The following PDZD2 variants were observed in gnomAD, a reference collection of about 807,000 sequenced individuals.
PDZD2 encodes the protein PDZ domain-containing protein 2.
PDZD2 carries 90 observed loss-of-function variants against 220.7 expected under a neutral mutation model. The ratio of observed to expected loss-of-function variants is 0.41; its 90% CI spans 0.34 to 0.49. The LOEUF (loss-of-function observed/expected upper bound fraction) is 0.49, where lower values mean the gene tolerates loss of function less well. Ranked by LOEUF, PDZD2 falls within the 20% of genes least tolerant of loss-of-function variation. The pLI, the probability that PDZD2 is intolerant of heterozygous loss-of-function variation, is 0.28. For synonymous variants in PDZD2, 1,375 were observed against 1,450.5 expected, an observed-to-expected ratio of 0.95 and a Z score of 1.18; for missense variants, 3,174 against 3,608.5, an observed-to-expected ratio of 0.88 and a Z score of 3.08.
At chr5:31,808,584 G>A (rs1313732215) in intron 2 of PDZD2, among the ~76,000 whole-genome samples, 3 of 152,192 alleles carry the variant, frequency 2.0e-5, no homozygotes. Context: ...GCTTCAGGAG[G>A]TGGTTTCCTG....
chr5:31,750,169 C>T (rs886270247), intron 1 of PDZD2, among the ~76,000 whole-genome samples: 9 of 152,176 alleles, frequency 5.9e-5, no homozygotes, highest in Admixed American at 2.6e-4. Context: ...CCATCTCTAG[C>T]GCCTGCCATG....
intron 2 of PDZD2, among the ~76,000 whole-genome samples, chr5:31,889,181 A>G (rs1335822441): frequency 6.6e-6 from 1 of 152,214 alleles, no homozygotes; most frequent in East Asian, 1.9e-4. Context: ...TGAAATCTGA[A>G]GTGTCACGCT....
chr5:31,884,203 A>T lies in PDZD2; in HGVS notation c.476+84479A>T, dbSNP rs150004244. On this transcript the variant is annotated intron_variant, in intron 2 of 24. Transcript: ENST00000438447. ...ACTCCAGCTTGGGCAACAGAGCGAG[A>T]CTCCATCTCAAAAATAACTGCATGC... 2.2e-3 allele frequency among the ~76,000 whole-genome samples: 330 copies of T among 148,604 alleles called. 1 individual carries two copies. Among genetic ancestry groups the T allele is most frequent in the African/African-American group, 6.8e-3 (263 of 38,788 alleles).
intron 2 of PDZD2, among the ~76,000 whole-genome samples, chr5:31,961,406 G>C (rs1748218655): frequency 6.6e-6 from 1 of 151,666 alleles, no homozygotes; most frequent in Non-Finnish European, 1.5e-5. Flanking sequence ...ATGATGGTGT[G>C]CACCTGTAGT....
At chr5:31,745,768 T>C (rs1056350894) in intron 1 of PDZD2, among the ~76,000 whole-genome samples, 1 of 152,108 alleles carries the variant, frequency 6.6e-6, no homozygotes, top group Non-Finnish European at 1.5e-5. Context: ...AGTGATCATC[T>C]TGTCATTTTG....
chr5:31,691,915 C>T (rs1580572527), intron 1 of PDZD2, among the ~76,000 whole-genome samples: 1 of 152,266 alleles, frequency 6.6e-6, no homozygotes, highest in Non-Finnish European at 1.5e-5. Flanking sequence ...AGGTTCTCCA[C>T]GTCCCCACCA....
chr5:32,010,765 G>A (rs1753233949), intron 6 of PDZD2: 3 of 433,014 alleles, frequency 6.9e-6, no homozygotes, highest in Non-Finnish European at 1.3e-5. Context: ...GGAGGCTGAG[G>A]CAGGTGGATC....
At chr5:31,682,668 CGGCTGTGTGTGTGTGT>C (rs1314872335) in intron 1 of PDZD2, among the ~76,000 whole-genome samples, 2 of 138,380 alleles carry the variant, frequency 1.4e-5, no homozygotes, top group African/African-American at 5.5e-5. Context: ...CTCAGTCTTT[CGGCTGTGTGTGTGTGT>C]GTGTGTGTGT....
At chr5:31,971,270 G>A (rs1749274467) in intron 2 of PDZD2, among the ~76,000 whole-genome samples, 1 of 152,210 alleles carries the variant, frequency 6.6e-6, no homozygotes, top group African/African-American at 2.4e-5. Flanking sequence ...TTCCAAGATA[G>A]CACCTTGTTG....
chr5:31,909,778 C>G (rs1248043258), intron 2 of PDZD2, among the ~76,000 whole-genome samples: 1 of 152,074 alleles, frequency 6.6e-6, no homozygotes, highest in African/African-American at 2.4e-5. Context: ...GTTTATGAAG[C>G]AAATTTATTC....
chr5:31,883,826 T>G (rs1740169923), intron 2 of PDZD2, among the ~76,000 whole-genome samples: 1 of 152,154 alleles, frequency 6.6e-6, no homozygotes, highest in African/African-American at 2.4e-5. Context: ...GGTCTGGAAC[T>G]CCTGGCTTCA....
intron 1 of PDZD2, among the ~76,000 whole-genome samples, chr5:31,645,360 G>A (rs1394045005): frequency 4.7e-5 from 7 of 148,328 alleles, no homozygotes; most frequent in South Asian, 2.1e-4. Flanking sequence ...TTTTTGAGAC[G>A]GAGTCTTGCT....
intron 1 of PDZD2, among the ~76,000 whole-genome samples, chr5:31,689,777 G>A (rs1747045703): frequency 1.3e-5 from 2 of 152,044 alleles, no homozygotes; most frequent in Admixed American, 1.3e-4. Flanking sequence ...CTTCTGGAAG[G>A]TTATGATGTT....
chr5:32,054,310 ATCTTTT>A (rs1370232675), intron 10 of PDZD2, among the ~76,000 whole-genome samples: 92 of 58,588 alleles, frequency 1.6e-3, no homozygotes, highest in South Asian at 0.014. Flanking sequence ...CTAAATGAAC[ATCTTTT>A]TTTTTTTTTT....
chr5:31,862,255 C>T (rs1440752786), intron 2 of PDZD2, among the ~76,000 whole-genome samples: 2 of 151,756 alleles, frequency 1.3e-5, no homozygotes, highest in African/African-American at 4.8e-5. Context: ...CAGGTGTGCT[C>T]CACCACACCC....
At chr5:32,049,161 G>C (rs1162048699) in intron 8 of PDZD2, among the ~76,000 whole-genome samples, 2 of 152,170 alleles carry the variant, frequency 1.3e-5, no homozygotes, top group Admixed American at 1.3e-4. Context: ...GGGCTGTAGA[G>C]GGGGGCTGCA....
intron 1 of PDZD2, among the ~76,000 whole-genome samples, chr5:31,647,468 GCTCCTT>G (rs1382519793): frequency 6.6e-6 from 1 of 152,160 alleles, no homozygotes; most frequent in Non-Finnish European, 1.5e-5. Flanking sequence ...ACAGGGCCGT[GCTCCTT>G]CTGGAAGCTC....
chr5:32,006,034 C>T (rs1301839639), intron 5 of PDZD2, among the ~76,000 whole-genome samples: 1 of 151,706 alleles, frequency 6.6e-6, no homozygotes, highest in Non-Finnish European at 1.5e-5. Context: ...GTAATCCCAG[C>T]TACTAGGGAG....
intron 1 of PDZD2, among the ~76,000 whole-genome samples, chr5:31,782,655 A>G (rs1753122417): frequency 6.6e-6 from 1 of 151,648 alleles, no homozygotes; most frequent in Non-Finnish European, 1.5e-5. Flanking sequence ...GCGTATCTTT[A>G]AGAAGCCCAG....
Sources: gnomAD v4.1 joint callset for allele counts (sites outside exome capture counted in the v4.1 genomes callset) on GRCh38, gnomAD v4.1.1 for gene constraint, MANE v1.5 for transcripts, NCBI Gene and HGNC (gene_info 2026-07-23, HGNC 2026-07-21) for gene names.